The following CAMK4 variants were observed in gnomAD, a reference collection of about 807,000 sequenced individuals.
CAMK4 encodes calcium/calmodulin dependent protein kinase IV, also known as calcium/calmodulin-dependent protein kinase type IV.
CAMK4 carries 22 observed loss-of-function variants against 44.9 expected under a neutral mutation model. That is an observed-to-expected ratio of 0.49 (90% confidence interval 0.35 to 0.70). CAMK4 has a LOEUF of 0.70. Among genes scored for constraint, CAMK4 ranks in the 30% least tolerant of loss-of-function variants. The probability of loss-of-function intolerance (pLI) is 0.01; values close to 1 mark genes in which losing one functional copy is unlikely to be tolerated. For synonymous variants in CAMK4, 218 were observed against 215.4 expected, an observed-to-expected ratio of 1.01 and a Z score of -0.11; for missense variants, 498 against 586.8, an observed-to-expected ratio of 0.85 and a Z score of 1.56.
At chr5:111,246,487 T>G (rs1370124025) in intron 1 of CAMK4, among the ~76,000 whole-genome samples, 1 of 152,138 alleles carries the variant, frequency 6.6e-6, no homozygotes, top group Non-Finnish European at 1.5e-5. Context: ...CTTTTTCAGG[T>G]TTTACATGCA....
chr5:111,327,459 C>A (rs957951861), intron 1 of CAMK4, among the ~76,000 whole-genome samples: 33 of 152,084 alleles, frequency 2.2e-4, no homozygotes, highest in African/African-American at 7.5e-4. Context: ...AATAGTGCTA[C>A]AATAAACATA....
chr5:111,278,637 G>A (rs975361724), intron 1 of CAMK4, among the ~76,000 whole-genome samples: 1 of 152,134 alleles, frequency 6.6e-6, no homozygotes, highest in Admixed American at 6.5e-5. Flanking sequence ...AGAAATCCCT[G>A]ATATAAAGAA....
At position 111,484,282 on chromosome 5, in the gene CAMK4, C is replaced by CT. The variant is rs1279128660; in HGVS notation, c.1238_1239insT (p.Lys415GlnfsTer15). ...GGTGCAGATATAAATGCTGAAGAGG[C>CT]CCCCAAAATGGTGCCCAAGGCAGTG... On this transcript the variant is annotated frameshift_variant, in exon 11 of 11. Coordinates refer to ENST00000282356, the MANE Select transcript of CAMK4 (RefSeq NM_001744.6). LOFTEE classifies it low-confidence loss of function (END_TRUNC). The surrounding 1 kb of genome is among the most constrained non-coding windows in gnomAD (Gnocchi z 5.3). 3 of 1,613,886 alleles carry CT rather than the reference C, an allele frequency of 1.9e-6. No homozygotes were observed. Among genetic ancestry groups the CT allele is most frequent in the Non-Finnish European group, 2.5e-6 (3 of 1,179,986 alleles).
chr5:111,445,638 C>T (rs1319354919), intron 5 of CAMK4, among the ~76,000 whole-genome samples: 1 of 152,124 alleles, frequency 6.6e-6, no homozygotes, highest in Non-Finnish European at 1.5e-5. Flanking sequence ...ATGTTGCCCA[C>T]ACTGGTCTCG....
chr5:111,329,248 A>G (rs965512526), intron 1 of CAMK4, among the ~76,000 whole-genome samples: 1 of 151,968 alleles, frequency 6.6e-6, no homozygotes, highest in African/African-American at 2.4e-5. Flanking sequence ...AGAGCTATCT[A>G]TGAGAAACCC....
chr5:111,470,714 AAG>A (rs1328836846), intron 7 of CAMK4, among the ~76,000 whole-genome samples: 1 of 152,236 alleles, frequency 6.6e-6, no homozygotes, highest in Non-Finnish European at 1.5e-5. Flanking sequence ...AGAAGGAACC[AAG>A]TTACTACTGT....
At chr5:111,431,990 A>G (rs1236473950) in intron 5 of CAMK4, among the ~76,000 whole-genome samples, 1 of 152,190 alleles carries the variant, frequency 6.6e-6, no homozygotes, top group Non-Finnish European at 1.5e-5. Context: ...CGATCCAGCA[A>G]TCCCATTGTT....
At chr5:111,387,508 TTTTCA>T (rs386691106) in intron 4 of CAMK4, among the ~76,000 whole-genome samples, 9 of 152,230 alleles carry the variant, frequency 5.9e-5, no homozygotes, top group African/African-American at 1.7e-4. Context: ...AGCAGTAATC[TTTTCA>T]CTTATTGCAT....
At chr5:111,469,336 G>T (rs1305671075) in intron 7 of CAMK4, among the ~76,000 whole-genome samples, 1 of 151,244 alleles carries the variant, frequency 6.6e-6, no homozygotes, top group Non-Finnish European at 1.5e-5. Flanking sequence ...ATTATGGATG[G>T]CATAAACATT....
chr5:111,436,568 C>G (rs1299471541), intron 5 of CAMK4, among the ~76,000 whole-genome samples: 2 of 152,218 alleles, frequency 1.3e-5, no homozygotes, highest in African/African-American at 4.8e-5. Flanking sequence ...AGCAACAAAG[C>G]ACACACATAA....
chr5:111,433,232 AC>A (rs1303339296), intron 5 of CAMK4, among the ~76,000 whole-genome samples: 3 of 152,178 alleles, frequency 2.0e-5, no homozygotes, highest in African/African-American at 7.2e-5. Flanking sequence ...AGCCAACAAG[AC>A]TCAAAGGTTT....
At chr5:111,257,996 G>A (rs1749812452) in intron 1 of CAMK4, among the ~76,000 whole-genome samples, 1 of 152,074 alleles carries the variant, frequency 6.6e-6, no homozygotes, top group South Asian at 2.1e-4. Flanking sequence ...ACACACTGGG[G>A]CCTAGCACGG....
chr5:111,465,743 A>G (rs1438407435), intron 7 of CAMK4, among the ~76,000 whole-genome samples: 1 of 152,238 alleles, frequency 6.6e-6, no homozygotes, highest in Non-Finnish European at 1.5e-5. Flanking sequence ...GTCCAAGACC[A>G]GATGGATTCA....
chr5:111,359,282 GA>G (rs1750506911), intron 2 of CAMK4, among the ~76,000 whole-genome samples: 2 of 3,328 alleles, frequency 6.0e-4, no homozygotes, highest in African/African-American at 9.7e-4. Flanking sequence ...GATGGTATTT[GA>G]TTGTGGTTTT....
intron 7 of CAMK4, among the ~76,000 whole-genome samples, chr5:111,452,271 C>A (rs1019693106): frequency 3.3e-5 from 5 of 152,094 alleles, no homozygotes; most frequent in East Asian, 1.9e-4. Context: ...ACAGAGGGCA[C>A]AAATGGACTT....
At chr5:111,305,117 A>G (rs1747874619) in intron 1 of CAMK4, among the ~76,000 whole-genome samples, 1 of 120,014 alleles carries the variant, frequency 8.3e-6, no homozygotes, top group African/African-American at 3.3e-5. Context: ...GGAAATTTAT[A>G]GCACTAAACG....
In CAMK4 at chr5:111,462,341, A is replaced by G. The variant is rs185555260; in HGVS notation, c.626-10970A>G. 3.9e-3 allele frequency among the ~76,000 whole-genome samples: 600 copies of G among 152,204 alleles called. 2 individuals carry two copies. Among genetic ancestry groups the G allele is most frequent in the Non-Finnish European group, 4.9e-3 (333 of 68,006 alleles). On this transcript the variant is annotated intron_variant, in intron 7 of 10. Coordinates refer to ENST00000282356, the MANE Select transcript of CAMK4 (RefSeq NM_001744.6). ...TTATCACTTTGCATTTCTTCCTTTG[A>G]TGTTTTTGATTTATGTCTACATCCC...
chr5:111,441,282 T>C lies in CAMK4; in HGVS notation c.460-5404T>C, dbSNP rs539071793. 3.3e-5 allele frequency among the ~76,000 whole-genome samples: 5 copies of C among 152,302 alleles called. No individual in the cohort carries two copies. The South Asian group carries it at 1.0e-3, about 32-fold the overall frequency. On this transcript the variant is annotated intron_variant, in intron 5 of 10. Transcript: ENST00000282356. ...TATTTTATAATATATATTAAAAATA[T>C]GTTAGTCTCTCTCAACTACTCTGCA...
chr5:111,449,802 A>G (rs1344970619), intron 7 of CAMK4: 2 of 152,262 alleles, frequency 1.3e-5, no homozygotes, highest in Admixed American at 6.5e-5. Flanking sequence ...CTTTTGACCC[A>G]TACTAGCATA....
Sources: allele counts gnomAD v4.1 joint callset (sites outside exome capture counted in the v4.1 genomes callset), GRCh38; gene constraint gnomAD v4.1.1; non-coding constraint Gnocchi (gnomAD v3.1); transcripts MANE v1.5; gene names NCBI Gene and HGNC (gene_info 2026-07-23, HGNC 2026-07-21).